The following KLHL7 variants were observed in gnomAD, a reference collection of about 807,000 sequenced individuals.
KLHL7 encodes kelch like family member 7, also known as kelch-like protein 7.
In KLHL7, 44 loss-of-function variants were observed where a neutral mutation model predicts 67.4. The observed-to-expected ratio is 0.65, with a 90% CI of 0.51 to 0.84. The LOEUF is 0.84. Among genes scored for constraint, KLHL7 ranks in the 40% least tolerant of loss-of-function variants. The pLI, the probability that KLHL7 is intolerant of heterozygous loss-of-function variation, is 0.00. For synonymous variants in KLHL7, 252 were observed against 243.3 expected (o/e 1.04, Z -0.33); for missense variants, 362 against 718.1 (o/e 0.50, Z 5.67).
Position 23,117,285 on chromosome 7 carries a change from G to A in KLHL7, c.121-6492G>A, listed in dbSNP as rs554387233. On this transcript the variant is annotated intron_variant, in intron 1 of 10. Transcript: ENST00000339077. ...GTATTTTTAGTAGAGTTAGGGTTTC[G>A]CCATGTTGGCCAGGCTGGTCTTGAA... 4.0e-5 allele frequency among the ~76,000 whole-genome samples: 6 copies of A among 151,600 alleles called. No homozygotes were observed. The East Asian group carries it at 1.2e-3, about 29-fold the overall frequency.
In KLHL7 at chr7:23,113,536, T is replaced by C. The variant is rs566255295; in HGVS notation, c.120+7390T>C. Among the ~76,000 whole-genome samples the C allele has an allele frequency of 4.6e-5, 7 of 152,186 alleles. No homozygotes were observed. In the South Asian group the frequency reaches 1.2e-3, roughly 27 times the overall value. The stretch of plus-strand genomic sequence containing the variant: ...TGTAAGTGAATCATTAAGTATAATA[T>C]TGAAGGGAGCCAGGCCGGGCACAGT... On this transcript the variant is annotated intron_variant, in intron 1 of 10. Coordinates refer to ENST00000339077, the MANE Select transcript of KLHL7 (RefSeq NM_001031710.3).
chr7:23,113,112 C>G (rs1459404650), intron 1 of KLHL7, among the ~76,000 whole-genome samples: 3 of 143,026 alleles, frequency 2.1e-5, no homozygotes, highest in Non-Finnish European at 4.5e-5. Context: ...GAGTTTCTAT[C>G]CAGTGATTTC....
At chr7:23,144,068 A>T in intron 6 of KLHL7, 43 bp downstream of exon 6, 1 of 1,520,052 alleles carries the variant, frequency 6.6e-7, no homozygotes, top group Middle Eastern at 2.2e-4. Flanking sequence ...TCATGTAGCC[A>T]GTTTCTCATG....
chr7:23,172,839 C>T, intron 9 of KLHL7, 109 bp from the exon 10 acceptor site: 2 of 809,672 alleles, frequency 2.5e-6, no homozygotes, highest in Non-Finnish European at 4.3e-6. Flanking sequence ...TATATGTACA[C>T]ATATGTGAGT....
In KLHL7 at chr7:23,175,268, T is replaced by A. The variant is rs994648641; in HGVS notation, c.*970T>A. 1 of 453,826 alleles carries A rather than the reference T, an allele frequency of 2.2e-6. No individual in the cohort carries two copies. The highest frequency in any genetic ancestry group is 4.4e-6 in the Non-Finnish European group (1 of 226,756). 28.1% of individuals were successfully genotyped at this position (453,826 alleles called of 1,614,324 possible). A position where few individuals can be genotyped will look rare whatever the true frequency, so the allele number is the denominator to read the frequency against. ...TAGATATATGTCATCTCCTATTCAT[T>A]GCTTTTATGTGATCAATAAATCTTT... is the stretch of plus-strand genomic sequence containing the variant. On this transcript the variant is annotated 3_prime_UTR_variant, in exon 11 of 11. Coordinates refer to ENST00000339077, the MANE Select transcript of KLHL7 (RefSeq NM_001031710.3).
intron 1 of KLHL7, among the ~76,000 whole-genome samples, chr7:23,114,076 A>G (rs1045613279): frequency 3.9e-5 from 6 of 152,206 alleles, no homozygotes; most frequent in African/African-American, 1.2e-4. Flanking sequence ...TTGCTAATCT[A>G]ATTAAGTTAG....
chr7:23,157,404 C>T (rs1186876411), intron 7 of KLHL7, among the ~76,000 whole-genome samples: 1 of 152,164 alleles, frequency 6.6e-6, no homozygotes, highest in East Asian at 1.9e-4. Flanking sequence ...ATCCCTTAAG[C>T]TTCCTTAGTT....
At chr7:23,148,482 G>T (rs1055998865) in intron 6 of KLHL7, among the ~76,000 whole-genome samples, 1 of 151,288 alleles carries the variant, frequency 6.6e-6, no homozygotes, top group African/African-American at 2.4e-5. Context: ...GTGTTTAGAA[G>T]ATAGAACGTA....
chr7:23,118,821 C>T (rs1190884832), intron 1 of KLHL7, among the ~76,000 whole-genome samples: 1 of 151,926 alleles, frequency 6.6e-6, no homozygotes, highest in African/African-American at 2.4e-5. Flanking sequence ...CCTGTAATCC[C>T]TATACTTTGA....
At chr7:23,139,769 A>G (rs565337322) in intron 4 of KLHL7, among the ~76,000 whole-genome samples, 1 of 152,384 alleles carries the variant, frequency 6.6e-6, no homozygotes, top group Non-Finnish European at 1.5e-5. Context: ...AATAATTTGT[A>G]GTTTTATATA....
At chr7:23,136,748 T>C (rs1306732741) in intron 4 of KLHL7, among the ~76,000 whole-genome samples, 1 of 152,168 alleles carries the variant, frequency 6.6e-6, no homozygotes, top group Non-Finnish European at 1.5e-5. Context: ...CAAAGAATTA[T>C]TTAGAAAATT....
chr7:23,167,220 A>G (rs576442293), intron 8 of KLHL7, among the ~76,000 whole-genome samples: 1 of 152,254 alleles, frequency 6.6e-6, no homozygotes, highest in South Asian at 2.1e-4. Flanking sequence ...GTTTCAAAAC[A>G]TGATGAATGT....
intron 4 of KLHL7, among the ~76,000 whole-genome samples, chr7:23,126,322 T>G (rs555060527): frequency 6.6e-6 from 1 of 152,304 alleles, no homozygotes; most frequent in East Asian, 1.9e-4. Flanking sequence ...AATTTTCCAT[T>G]TAATGTTTTT....
chr7:23,130,928 G>A (rs1468904430), intron 4 of KLHL7, among the ~76,000 whole-genome samples: 1 of 152,146 alleles, frequency 6.6e-6, no homozygotes, highest in Non-Finnish European at 1.5e-5. Context: ...TAGTAAACAG[G>A]TATAGCAACA....
chr7:23,110,338 T>G (rs532402033), intron 1 of KLHL7, among the ~76,000 whole-genome samples: 9 of 152,212 alleles, frequency 5.9e-5, no homozygotes, highest in Non-Finnish European at 1.3e-4. Flanking sequence ...CTGCTTTTTC[T>G]AAGGCCAGTA....
chr7:23,160,722 T>C (rs1488347290), intron 7 of KLHL7, among the ~76,000 whole-genome samples: 1 of 152,226 alleles, frequency 6.6e-6, no homozygotes, highest in East Asian at 1.9e-4. Flanking sequence ...TTTTTCCTAA[T>C]GGCTAATTAC....
intron 9 of KLHL7, among the ~76,000 whole-genome samples, chr7:23,171,620 A>G (rs1434722272): frequency 1.3e-5 from 2 of 152,260 alleles, no homozygotes; most frequent in Admixed American, 1.3e-4. Context: ...CCATTTTTAA[A>G]ACAATACATA....
intron 1 of KLHL7, chr7:23,106,572 A>C: frequency 9.5e-7 from 1 of 1,049,122 alleles, no homozygotes; most frequent in Non-Finnish European, 1.2e-6. Context: ...CTGGCCTGAC[A>C]TCAGCTGCTC....
In KLHL7 at chr7:23,124,784, G is replaced by A. The variant is rs373203004; in HGVS notation, c.317+3G>A. The A allele has an allele frequency of 4.5e-6, 7 of 1,554,408 alleles. No individual in the cohort carries two copies. The highest frequency in any genetic ancestry group is 6.2e-6 in the Non-Finnish European group (7 of 1,125,714). Reference sequence around the variant, plus strand: ...GTGGAATTTGCTTATACTGCTAGGTGAGTTAAGTATTATTTTTATTTTAGA... The same window carrying A: ...GTGGAATTTGCTTATACTGCTAGGTAAGTTAAGTATTATTTTTATTTTAGA... On this transcript the variant is annotated splice_donor_region_variant and intron_variant, in intron 3 of 10. Transcript: ENST00000339077.
Sources: allele counts gnomAD v4.1 joint callset (sites outside exome capture counted in the v4.1 genomes callset), GRCh38; gene constraint gnomAD v4.1.1; transcripts MANE v1.5; gene names NCBI Gene and HGNC (gene_info 2026-07-23, HGNC 2026-07-21).